The following NOS1AP variants were observed in gnomAD, a reference collection of about 807,000 sequenced individuals.
The protein encoded by NOS1AP is carboxyl-terminal PDZ ligand of neuronal nitric oxide synthase protein.
NOS1AP carries 21 observed loss-of-function variants against 56.2 expected under a neutral mutation model. The ratio of observed to expected loss-of-function variants is 0.37; its 90% CI spans 0.26 to 0.54. The LOEUF is 0.54. Ranked by LOEUF, NOS1AP falls within the 20% of genes least tolerant of loss-of-function variation. The pLI is 0.84. For synonymous variants in NOS1AP, 270 were observed against 274.6 expected, an observed-to-expected ratio of 0.98 and a Z score of 0.17; for missense variants, 522 against 657.8, an observed-to-expected ratio of 0.79 and a Z score of 2.26.
chr1:162,220,194 T>C (rs1018126318), intron 2 of NOS1AP, among the ~76,000 whole-genome samples: 3 of 152,214 alleles, frequency 2.0e-5, no homozygotes, highest in Non-Finnish European at 4.4e-5. Context: ...GTTGGGCTTA[T>C]AGGTGTGAGC....
At position 162,204,936 on chromosome 1, in the gene NOS1AP, A is replaced by G. The variant is rs897812914; in HGVS notation, c.177+50460A>G. On this transcript the variant is annotated intron_variant, in intron 2 of 9. Transcript: ENST00000361897. ...CTTTGAGAGGAAGCTACTAAAATGT[A>G]TCCTAGATTTTTGCTGAATTGGATA... Among the ~76,000 whole-genome samples, 20 of 152,280 alleles carry G rather than the reference A, an allele frequency of 1.3e-4. 1 individual carries two copies. The Middle Eastern group carries it at 0.014, about 104-fold the overall frequency.
intron 1 of NOS1AP, among the ~76,000 whole-genome samples, chr1:162,125,890 T>C (rs1648467229): frequency 6.6e-6 from 1 of 152,204 alleles, no homozygotes; most frequent in African/African-American, 2.4e-5. Context: ...GATATTGATT[T>C]TTTCCAATCC....
At chr1:162,200,747 T>C (rs1651967983) in intron 2 of NOS1AP, among the ~76,000 whole-genome samples, 1 of 152,168 alleles carries the variant, frequency 6.6e-6, no homozygotes, top group African/African-American at 2.4e-5. Flanking sequence ...CATCTTTACC[T>C]TGGGAACCTG....
chr1:162,156,463 A>C (rs571096373), intron 2 of NOS1AP, among the ~76,000 whole-genome samples: 1 of 152,120 alleles, frequency 6.6e-6, no homozygotes, highest in Non-Finnish European at 1.5e-5. Context: ...GATAGAAAGC[A>C]CAGAGGCCTC....
intron 2 of NOS1AP, among the ~76,000 whole-genome samples, chr1:162,211,017 C>T (rs1449526633): frequency 6.6e-6 from 1 of 152,200 alleles, no homozygotes; most frequent in East Asian, 1.9e-4. Context: ...CTACTCTGGT[C>T]TCACCCCACT....
intron 2 of NOS1AP, among the ~76,000 whole-genome samples, chr1:162,248,138 A>G (rs576282686): frequency 6.6e-6 from 1 of 152,224 alleles, no homozygotes; most frequent in Non-Finnish European, 1.5e-5. Flanking sequence ...TATATAAATC[A>G]AAAGACCTTT....
At chr1:162,336,625 T>G (rs980828) in intron 5 of NOS1AP, among the ~76,000 whole-genome samples, 68,735 of 152,102 alleles carry the variant, frequency 0.45, 16,564 homozygotes, top group Middle Eastern at 0.58. Flanking sequence ...TAAATCACCC[T>G]TGGTCACACA....
At chr1:162,133,983 G>A (rs1301550306) in intron 1 of NOS1AP, among the ~76,000 whole-genome samples, 1 of 152,206 alleles carries the variant, frequency 6.6e-6, no homozygotes, top group African/African-American at 2.4e-5. Context: ...GCTAACTGGG[G>A]AGGAGAGAAG....
chr1:162,368,891 G>A lies in NOS1AP; in HGVS notation c.*1424G>A, dbSNP rs188329200. ...GCAAGGATATGATTATCCCAAAATG[G>A]AGTTCATCGACCCTAGCTTTCCTTT... On this transcript the variant is annotated 3_prime_UTR_variant, in exon 10 of 10. Transcript: ENST00000361897. 10 of 152,312 alleles carry A rather than the reference G, an allele frequency of 6.6e-5. No homozygotes were observed. Among genetic ancestry groups the A allele is most frequent in the African/African-American group, 1.9e-4 (8 of 41,562 alleles). The allele number at this position is 152,312 out of a possible 1,614,324, so 9.4% of individuals were successfully genotyped here. A position where few individuals can be genotyped will look rare whatever the true frequency, so the allele number is the denominator to read the frequency against.
At chr1:162,082,845 C>T (rs1460100258) in intron 1 of NOS1AP, among the ~76,000 whole-genome samples, 1 of 152,112 alleles carries the variant, frequency 6.6e-6, no homozygotes, top group Non-Finnish European at 1.5e-5. Context: ...AAATCTCAGT[C>T]CACCACGCAC....
At chr1:162,342,982 T>C (rs1043977515) in intron 5 of NOS1AP, among the ~76,000 whole-genome samples, 1 of 152,184 alleles carries the variant, frequency 6.6e-6, no homozygotes, top group Non-Finnish European at 1.5e-5. Context: ...ACCACATCAC[T>C]CATTTCTGTC....
At chr1:162,284,610 G>C (rs1655036535) in intron 2 of NOS1AP, among the ~76,000 whole-genome samples, 1 of 152,190 alleles carries the variant, frequency 6.6e-6, no homozygotes, top group South Asian at 2.1e-4. Flanking sequence ...CACAGACCCT[G>C]TAAGAGCCAT....
intron 1 of NOS1AP, among the ~76,000 whole-genome samples, chr1:162,146,029 C>T (rs1013927473): frequency 6.6e-6 from 1 of 152,186 alleles, no homozygotes; most frequent in Non-Finnish European, 1.5e-5. Context: ...CTGAAACTCA[C>T]ATGTTGTATC....
chr1:162,183,999 T>G (rs1269966445), intron 2 of NOS1AP, among the ~76,000 whole-genome samples: 3 of 152,272 alleles, frequency 2.0e-5, no homozygotes, highest in Admixed American at 6.5e-5. Context: ...ATCTCAGCTT[T>G]GGACATTCCT....
chr1:162,170,512 G>C (rs1650717788), intron 2 of NOS1AP, among the ~76,000 whole-genome samples: 1 of 152,130 alleles, frequency 6.6e-6, no homozygotes, highest in South Asian at 2.1e-4. Context: ...AAGAAAAGTT[G>C]TACTGAAGTT....
intron 2 of NOS1AP, among the ~76,000 whole-genome samples, chr1:162,265,083 G>A (rs1334412625): frequency 6.6e-6 from 1 of 152,028 alleles, no homozygotes; most frequent in East Asian, 1.9e-4. Flanking sequence ...CCAAAGTGCT[G>A]GGATTACAGG....
At chr1:162,283,073 TA>T (rs1161517748) in intron 2 of NOS1AP, among the ~76,000 whole-genome samples, 18 of 143,178 alleles carry the variant, frequency 1.3e-4, no homozygotes, top group African/African-American at 4.7e-4. Flanking sequence ...TCTCTCTCTT[TA>T]TTGCTTGCTC....
intron 2 of NOS1AP, among the ~76,000 whole-genome samples, chr1:162,203,003 G>T (rs1339331088): frequency 3.9e-5 from 6 of 152,058 alleles, no homozygotes; most frequent in African/African-American, 1.2e-4. Context: ...TTTGGTGATT[G>T]TGTGTGTCGG....
chr1:162,290,456 C>A (rs908201808), intron 3 of NOS1AP, among the ~76,000 whole-genome samples: 1 of 152,230 alleles, frequency 6.6e-6, no homozygotes, highest in African/African-American at 2.4e-5. Flanking sequence ...CACACTTTCT[C>A]TCTCTGCTTA....
Sources: allele counts gnomAD v4.1 joint callset (sites outside exome capture counted in the v4.1 genomes callset), GRCh38; gene constraint gnomAD v4.1.1; transcripts MANE v1.5; gene names NCBI Gene and HGNC (gene_info 2026-07-23, HGNC 2026-07-21).